Variants in LRP1B observed in about 807,000 individuals in gnomAD.
LRP1B encodes the protein LDL receptor related protein 1B, also known as low-density lipoprotein receptor-related protein 1B.
LRP1B carries 217 observed loss-of-function variants against 556.6 expected under a neutral mutation model. That is an observed-to-expected ratio of 0.39 (90% CI 0.35 to 0.44). LRP1B has a LOEUF of 0.44. Ranked by LOEUF, LRP1B falls within the 20% of genes least tolerant of loss-of-function variation. LRP1B has a pLI of 1.00. For synonymous variants in LRP1B, 2,047 were observed against 1,865.8 expected (o/e 1.10, Z -2.50); for missense variants, 5,053 against 5,620.8 (o/e 0.90, Z 3.23).
chr2:140,461,502 A>G (rs960275068), intron 60 of LRP1B, among the ~76,000 whole-genome samples: 1 of 152,164 alleles, frequency 6.6e-6, no homozygotes, highest in Non-Finnish European at 1.5e-5. Context: ...ATCTTAAAAT[A>G]TTACTTTATG....
chr2:140,634,472 G>A (rs1187732648), intron 41 of LRP1B, among the ~76,000 whole-genome samples: 1 of 152,098 alleles, frequency 6.6e-6, no homozygotes, highest in Non-Finnish European at 1.5e-5. Flanking sequence ...GGGAGACGAA[G>A]CATAACTCCT....
intron 3 of LRP1B, among the ~76,000 whole-genome samples, chr2:141,425,220 T>A (rs1680313645): frequency 6.6e-6 from 1 of 151,950 alleles, no homozygotes. Flanking sequence ...ATTTCCAATT[T>A]CATCCATGTC....
chr2:140,649,709 C>T (rs576890381), intron 41 of LRP1B, among the ~76,000 whole-genome samples: 1 of 152,300 alleles, frequency 6.6e-6, no homozygotes, highest in Admixed American at 6.5e-5. Flanking sequence ...ACATTGGTTC[C>T]TCCTCACCAG....
rs758163595 is a variant in LRP1B, at chr2:140,495,617, T to G, written c.8982A>C (p.Thr2994=). Residue 2994 remains threonine (T), a synonymous_variant, in exon 56 of 91, where the codon ACA becomes ACC. Coordinates refer to ENST00000389484, the MANE Select transcript of LRP1B (RefSeq NM_018557.3). Reference sequence around the variant, plus strand: ...TATCAGGTTGTATTTCATACCCATCTGTACAGAGGCACTTGTAAGTCCCGT... The same window carrying G: ...TATCAGGTTGTATTTCATACCCATCGGTACAGAGGCACTTGTAAGTCCCGT... ...NTYGTYKCLC[T]DGYEIQPDNP... 1 of 1,611,896 alleles carries G rather than the reference T, an allele frequency of 6.2e-7. No homozygotes were observed. Among genetic ancestry groups the G allele is most frequent in the Non-Finnish European group, 8.5e-7 (1 of 1,178,356 alleles).
intron 2 of LRP1B, among the ~76,000 whole-genome samples, chr2:141,644,058 G>C (rs1689453968): frequency 6.7e-6 from 1 of 149,184 alleles, no homozygotes; most frequent in Non-Finnish European, 1.5e-5. Context: ...GTGTATGTGA[G>C]TAAAATCTTC....
intron 3 of LRP1B, among the ~76,000 whole-genome samples, chr2:141,270,385 C>A (rs59372564): frequency 6.6e-6 from 1 of 151,844 alleles, no homozygotes; most frequent in African/African-American, 2.4e-5. Context: ...CTATGGAAAA[C>A]AAATTAAAGA....
At chr2:140,859,577 T>A (rs34104074) in intron 27 of LRP1B, among the ~76,000 whole-genome samples, 29,527 of 151,874 alleles carry the variant, frequency 0.19, 3,005 homozygotes, top group Non-Finnish European at 0.21. Flanking sequence ...AGTGGGATTT[T>A]AAAAAAAATG....
chr2:140,915,616 C>CA (rs1694551239), intron 21 of LRP1B, among the ~76,000 whole-genome samples: 1 of 151,286 alleles, frequency 6.6e-6, no homozygotes, highest in South Asian at 2.1e-4. Context: ...CGCACCACTG[C>CA]ACTCCTACCT....
chr2:141,045,379 C>T (rs1354030829), intron 11 of LRP1B, among the ~76,000 whole-genome samples: 1 of 151,162 alleles, frequency 6.6e-6, no homozygotes, highest in Non-Finnish European at 1.5e-5. Flanking sequence ...ATGTAACTAA[C>T]CTGCACAATG....
intron 2 of LRP1B, among the ~76,000 whole-genome samples, chr2:141,493,429 C>A (rs16846262): frequency 0.031 from 4,776 of 152,160 alleles, 272 homozygotes; most frequent in African/African-American, 0.11. Flanking sequence ...CAGGGTGATA[C>A]CCAAATATTT....
intron 20 of LRP1B, among the ~76,000 whole-genome samples, chr2:140,931,325 G>A (rs1003718978): frequency 1.1e-4 from 16 of 151,906 alleles, no homozygotes; most frequent in African/African-American, 3.6e-4. Flanking sequence ...TCACACACAC[G>A]TCCAGAACGT....
chr2:141,439,199 G>T (rs1680871907), intron 3 of LRP1B, among the ~76,000 whole-genome samples: 1 of 152,110 alleles, frequency 6.6e-6, no homozygotes, highest in South Asian at 2.1e-4. Context: ...ATTATGGGCT[G>T]TGAAATCATT....
chr2:140,890,286 A>G (rs2105200259), intron 23 of LRP1B, among the ~76,000 whole-genome samples: 1 of 152,292 alleles, frequency 6.6e-6, no homozygotes, highest in African/African-American at 2.4e-5. Flanking sequence ...AAAGTTATCT[A>G]ATGTTTTATT....
chr2:140,629,711 A>C (rs964082890), intron 41 of LRP1B, among the ~76,000 whole-genome samples: 2 of 152,218 alleles, frequency 1.3e-5, no homozygotes, highest in African/African-American at 4.8e-5. Context: ...CATGTAAAGC[A>C]AATCTTCCTA....
At chr2:141,380,538 G>A (rs1201621011) in intron 3 of LRP1B, among the ~76,000 whole-genome samples, 1 of 152,168 alleles carries the variant, frequency 6.6e-6, no homozygotes, top group Admixed American at 6.5e-5. Flanking sequence ...TTGGGGAACT[G>A]GCTTTTGTAA....
chr2:140,663,156 G>T (rs1685156292), intron 41 of LRP1B, among the ~76,000 whole-genome samples: 1 of 152,090 alleles, frequency 6.6e-6, no homozygotes, highest in African/African-American at 2.4e-5. Flanking sequence ...CAGAGAATTT[G>T]TGTTTTTGGT....
At chr2:141,652,444 G>A (rs1280086027) in intron 2 of LRP1B, among the ~76,000 whole-genome samples, 1 of 152,182 alleles carries the variant, frequency 6.6e-6, no homozygotes, top group Non-Finnish European at 1.5e-5. Flanking sequence ...TGGAAATCAA[G>A]ACATAGTATG....
At chr2:141,438,052 A>T (rs1158953109) in intron 3 of LRP1B, among the ~76,000 whole-genome samples, 1 of 152,140 alleles carries the variant, frequency 6.6e-6, no homozygotes, top group East Asian at 1.9e-4. Flanking sequence ...TGAGGCATCT[A>T]AATTAAACTA....
At chr2:141,668,534 G>A (rs535728475) in intron 2 of LRP1B, among the ~76,000 whole-genome samples, 1 of 152,288 alleles carries the variant, frequency 6.6e-6, no homozygotes, top group Non-Finnish European at 1.5e-5. Context: ...AACATCGAGA[G>A]GAGTGTGACT....
Sources: gnomAD v4.1 joint callset for allele counts (sites outside exome capture counted in the v4.1 genomes callset) on GRCh38, gnomAD v4.1.1 for gene constraint, MANE v1.5 for transcripts, NCBI Gene and HGNC (gene_info 2026-07-23, HGNC 2026-07-21) for gene names.